Variants in EPHA8 observed in about 807,000 individuals in gnomAD.
EPHA8 encodes ephrin type-A receptor 8.
A neutral mutation model predicts 103.6 loss-of-function variants in EPHA8; 58 were observed. The observed-to-expected ratio is 0.56, with a 90% CI of 0.45 to 0.70. EPHA8 has a LOEUF of 0.70. Ranked by LOEUF, EPHA8 falls within the 30% of genes least tolerant of loss-of-function variation. The probability of loss-of-function intolerance (pLI) is 0.00; values close to 1 mark genes in which losing one functional copy is unlikely to be tolerated. For missense variants in EPHA8, 1,304 were observed against 1,395.2 expected (o/e 0.93, Z 1.04); for synonymous variants, 559 against 572.5 (o/e 0.98, Z 0.34).
At chr1:22,591,413 G>A (rs930186155) in intron 5 of EPHA8, among the ~76,000 whole-genome samples, 1 of 148,752 alleles carries the variant, frequency 6.7e-6, no homozygotes, top group African/African-American at 2.5e-5. Flanking sequence ...TAGAGATGGG[G>A]TCTCCCTATA....
intron 3 of EPHA8, among the ~76,000 whole-genome samples, chr1:22,580,041 C>G (rs74060296): frequency 0.027 from 4,045 of 151,968 alleles, 193 homozygotes; most frequent in African/African-American, 0.091. Flanking sequence ...CCGTCTTGCC[C>G]AGAGATCTCT....
chr1:22,579,311 G>C (rs1318254064), intron 3 of EPHA8, among the ~76,000 whole-genome samples: 1 of 151,526 alleles, frequency 6.6e-6, no homozygotes, highest in Non-Finnish European at 1.5e-5. Flanking sequence ...GTGTACATGA[G>C]TGTATATATG....
intron 3 of EPHA8, among the ~76,000 whole-genome samples, chr1:22,580,585 G>C (rs1487622169): frequency 2.0e-5 from 3 of 152,160 alleles, no homozygotes; most frequent in African/African-American, 4.8e-5. Context: ...GGTTTGCCAG[G>C]CTCCCCAGGC....
Position 22,569,218 on chromosome 1 carries a change from G to T in EPHA8, c.95-71G>T, listed in dbSNP as rs909672506. On this transcript the variant is annotated intron_variant, in intron 1 of 16. Transcript: ENST00000166244. This position sits in a 1 kb window ranked among gnomAD's most constrained non-coding sequence, Gnocchi z 4.5. ...GGCTGAGTGTGGACCAGTGTAGCTG[G>T]GTCAGGCTGCTCTTGAGGAGCTGGG... 2 of 1,508,890 alleles carry T rather than the reference G, an allele frequency of 1.3e-6. No homozygotes were observed. Among genetic ancestry groups the T allele is most frequent in the Non-Finnish European group, 1.8e-6 (2 of 1,086,774 alleles). The allele number at this position is 1,508,890 out of a possible 1,614,324, so 93.5% of individuals were successfully genotyped here.
Position 22,597,487 on chromosome 1 carries a change from G to A in EPHA8, c.1930+11G>A. The A allele has an allele frequency of 6.2e-7, 1 of 1,610,338 alleles. No homozygotes were observed. The highest frequency in any genetic ancestry group is 8.5e-7 in the Non-Finnish European group (1 of 1,178,174). ...AAATCATCGGCTCTGGTGAGTCTCA[G>A]GGGTTGTGAGGGCGGGGCCAGCATG... On this transcript the variant is annotated intron_variant, in intron 10 of 16. Transcript: ENST00000166244. The surrounding 1 kb of genome is among the most constrained non-coding windows in gnomAD (Gnocchi z 4.6).
chr1:22,581,017 G>T (rs1353681270), intron 3 of EPHA8, among the ~76,000 whole-genome samples: 1 of 152,246 alleles, frequency 6.6e-6, no homozygotes, highest in Non-Finnish European at 1.5e-5. Context: ...CATCTACTGT[G>T]TCCCGGCATT....
chr1:22,584,322 G>A (rs199601359), intron 3 of EPHA8, among the ~76,000 whole-genome samples: 1 of 152,288 alleles, frequency 6.6e-6, no homozygotes, highest in East Asian at 1.9e-4. Context: ...TCAGCCCCCA[G>A]GCAGACCAGA....
chr1:22,587,436 C>T (rs1158007877), intron 4 of EPHA8, among the ~76,000 whole-genome samples: 2 of 152,126 alleles, frequency 1.3e-5, no homozygotes, highest in Non-Finnish European at 2.9e-5. Context: ...GGTGCATGTG[C>T]CTGGAGAGGG....
At chr1:22,590,324 A>T (rs376658625) in intron 5 of EPHA8, among the ~76,000 whole-genome samples, 2 of 152,136 alleles carry the variant, frequency 1.3e-5, no homozygotes, top group South Asian at 2.1e-4. Flanking sequence ...ATGCCCCAAC[A>T]TTAAAGAGGA....
Position 22,576,288 on chromosome 1 carries a change from C to G in EPHA8, c.231C>G (p.Ser77Arg), listed in dbSNP as rs577503096. Residue 77 changes from serine to arginine, a missense_variant, in exon 3 of 17, where the codon AGC (serine) becomes AGG (arginine). Ser to Arg is a moderately radical substitution (Grantham distance 110). Transcript: ENST00000166244. This position sits in a 1 kb window ranked among gnomAD's most constrained non-coding sequence, Gnocchi z 4.8. ...CGTACCAGGTTTGCAACGTCATGAGCCCCAACCAGAACAACTGGCTGCGCA... is the reference window on the plus strand; with the variant it reads ...CGTACCAGGTTTGCAACGTCATGAGGCCCAACCAGAACAACTGGCTGCGCA... ...IHTYQVCNVM[S>R]PNQNNWLRTS... 1.2e-6 allele frequency: 2 copies of G among 1,613,896 alleles called. No individual in the cohort carries two copies. The highest frequency in any genetic ancestry group is 1.7e-5 in the Admixed American group (1 of 60,022).
At chr1:22,582,650 C>T (rs1481062108) in intron 3 of EPHA8, among the ~76,000 whole-genome samples, 1 of 152,156 alleles carries the variant, frequency 6.6e-6, no homozygotes, top group Non-Finnish European at 1.5e-5. Context: ...TTGATAGAAT[C>T]TCACATCTCC....
At position 22,576,231 on chromosome 1, in the gene EPHA8, C is replaced by G; in HGVS notation, c.174C>G (p.Asn58Lys). The G allele has an allele frequency of 6.2e-7, 1 of 1,608,662 alleles. No homozygotes were observed. The highest frequency in any genetic ancestry group is 8.5e-7 in the Non-Finnish European group (1 of 1,176,746). ...TCTGCCCACAGTGGGACTCCATCAA[C>G]GAGGTGGACGAGTCCTTCCAGCCCA... is the stretch of plus-strand genomic sequence containing the variant. ...TYPAHGWDSI[N>K]EVDESFQPIH... The change falls in exon 3 of 17, where the codon AAC (asparagine) becomes AAG (lysine). Residue 58 changes from asparagine to lysine, a missense_variant. By Grantham distance (94) the Asn-to-Lys change is moderately conservative. Transcript: ENST00000166244. This position sits in a 1 kb window ranked among gnomAD's most constrained non-coding sequence, Gnocchi z 4.8.
intron 3 of EPHA8, among the ~76,000 whole-genome samples, chr1:22,583,019 T>C (rs1482409465): frequency 1.3e-5 from 2 of 152,268 alleles, no homozygotes; most frequent in Non-Finnish European, 2.9e-5. Flanking sequence ...AGCGGACACC[T>C]TATTTGTCAA....
At chr1:22,583,995 C>T (rs1445472500) in intron 3 of EPHA8, among the ~76,000 whole-genome samples, 1 of 152,206 alleles carries the variant, frequency 6.6e-6, no homozygotes, top group Non-Finnish European at 1.5e-5. Flanking sequence ...AGTAGAAGCT[C>T]AGTAAATGTT....
intron 1 of EPHA8, among the ~76,000 whole-genome samples, chr1:22,565,858 G>A (rs964044665): frequency 1.3e-5 from 2 of 152,200 alleles, no homozygotes; most frequent in African/African-American, 4.8e-5. Context: ...AATGCAGCAG[G>A]GTACCCACAG....
intron 3 of EPHA8, among the ~76,000 whole-genome samples, chr1:22,581,592 G>A (rs1002340960): frequency 6.6e-6 from 1 of 152,182 alleles, no homozygotes; most frequent in Non-Finnish European, 1.5e-5. Context: ...GCTCTGAGTG[G>A]AAACCCCAGG....
At position 22,593,334 on chromosome 1, in the gene EPHA8, C is replaced by A; in HGVS notation, c.1324C>A (p.Gln442Lys). The change falls in exon 6 of 17, where the codon CAG (glutamine) becomes AAG (lysine). Residue 442 changes from glutamine to lysine, a missense_variant. Transcript: ENST00000166244. ...GGGATTGGCCGCCCCAGCCCCGTCC[C>A]AGGTGGTGGTGATCCGTCAAGAGCG... ...NITTNQAAPS[Q>K]VVVIRQERAG... 1 of 1,570,110 alleles carries A rather than the reference C, an allele frequency of 6.4e-7. No individual in the cohort carries two copies. Among genetic ancestry groups the A allele is most frequent in the Non-Finnish European group, 8.6e-7 (1 of 1,157,112 alleles).
chr1:22,577,004 G>A (rs1640727633), intron 3 of EPHA8, 124 bp downstream of exon 3: 2 of 1,146,936 alleles, frequency 1.7e-6, no homozygotes, highest in Non-Finnish European at 2.4e-6. Flanking sequence ...CAGCCCCTGG[G>A]AAGATGGATA....
Position 22,567,086 on chromosome 1 carries a change from C to G in EPHA8, c.95-2203C>G, listed in dbSNP as rs574868331. ...CCCCAGGAGGGCAGGGCCTGGAGAG[C>G]GGTGTCTGCAGGCCCTGAAGCCTGC... On this transcript the variant is annotated intron_variant, in intron 1 of 16. Transcript: ENST00000166244. The surrounding 1 kb of genome is among the most constrained non-coding windows in gnomAD (Gnocchi z 4.2). 5.9e-5 allele frequency among the ~76,000 whole-genome samples: 9 copies of G among 152,142 alleles called. No individual in the cohort carries two copies. Among genetic ancestry groups the G allele is most frequent in the African/African-American group, 2.2e-4 (9 of 41,450 alleles).
Sources: gnomAD v4.1 joint callset for allele counts (sites outside exome capture counted in the v4.1 genomes callset) on GRCh38, gnomAD v4.1.1 for gene constraint, Gnocchi (gnomAD v3.1) non-coding constraint, MANE v1.5 for transcripts, NCBI Gene and HGNC (gene_info 2026-07-23, HGNC 2026-07-21) for gene names.